The following RAPGEF2 variants were observed in gnomAD, a reference collection of about 807,000 sequenced individuals.
RAPGEF2 encodes the protein PDZ domain containing guanine nucleotide exchange factor (GEF) 1.
A neutral mutation model predicts 186.7 loss-of-function variants in RAPGEF2; 54 were observed. The ratio of observed to expected loss-of-function variants is 0.29; its 90% CI spans 0.23 to 0.36. The LOEUF is 0.36. Ranked by LOEUF, RAPGEF2 falls within the 10% of genes least tolerant of loss-of-function variation. The probability of loss-of-function intolerance (pLI) is 1.00; values close to 1 mark genes in which losing one functional copy is unlikely to be tolerated. For synonymous variants in RAPGEF2, 712 were observed against 705.9 expected, an observed-to-expected ratio of 1.01 and a Z score of -0.14; for missense variants, 1,532 against 2,045.0, an observed-to-expected ratio of 0.75 and a Z score of 4.84.
chr4:159,104,506 GAGAGAGA>G (rs1737582202), intron 1 of RAPGEF2, among the ~76,000 whole-genome samples: 1 of 127,442 alleles, frequency 7.8e-6, no homozygotes, highest in Admixed American at 7.9e-5. Flanking sequence ...GAGAGAGAGA[GAGAGAGA>G]GAGAGAGAGA....
intron 19 of RAPGEF2, among the ~76,000 whole-genome samples, chr4:159,339,728 G>C (rs1767963212): frequency 6.6e-6 from 1 of 152,126 alleles, no homozygotes; most frequent in Non-Finnish European, 1.5e-5. Flanking sequence ...CTTTGTATAT[G>C]TACGTTCACA....
At chr4:159,131,677 G>T (rs1486631102) in intron 1 of RAPGEF2, among the ~76,000 whole-genome samples, 1 of 151,668 alleles carries the variant, frequency 6.6e-6, no homozygotes, top group African/African-American at 2.4e-5. Flanking sequence ...GAGAACTTTG[G>T]GCTTGATTAA....
intron 28 of RAPGEF2, among the ~76,000 whole-genome samples, chr4:159,354,594 A>T (rs1406534950): frequency 6.6e-6 from 1 of 152,206 alleles, no homozygotes; most frequent in East Asian, 1.9e-4. Context: ...TTTAGGAGTC[A>T]GGCGGACTGG....
chr4:159,170,490 A>T (rs1745797019), intron 1 of RAPGEF2, among the ~76,000 whole-genome samples: 2 of 152,216 alleles, frequency 1.3e-5, no homozygotes, highest in African/African-American at 2.4e-5. Context: ...TAGTATTTAC[A>T]TGGCATTAGA....
At chr4:159,252,334 G>C (rs1755555463) in intron 7 of RAPGEF2, among the ~76,000 whole-genome samples, 1 of 152,102 alleles carries the variant, frequency 6.6e-6, no homozygotes, top group Non-Finnish European at 1.5e-5. Context: ...ATAGGCGCCT[G>C]GCCCTGTATT....
intron 4 of RAPGEF2, among the ~76,000 whole-genome samples, chr4:159,215,925 T>C (rs897570758): frequency 6.6e-6 from 1 of 152,116 alleles, no homozygotes; most frequent in Non-Finnish European, 1.5e-5. Context: ...GACTCTAGGG[T>C]CTGAAATACC....
intron 9 of RAPGEF2, among the ~76,000 whole-genome samples, chr4:159,317,119 A>T (rs1190220742): frequency 6.6e-6 from 1 of 152,334 alleles, no homozygotes; most frequent in East Asian, 1.9e-4. Context: ...TGACACAAAC[A>T]TGTATGAGGA....
chr4:159,212,550 G>A (rs1293558310), intron 4 of RAPGEF2, among the ~76,000 whole-genome samples: 1 of 151,600 alleles, frequency 6.6e-6, no homozygotes. Context: ...TCCTTATTCT[G>A]GTTAAAGAAT....
chr4:159,144,512 C>T (rs1355488307), intron 1 of RAPGEF2, among the ~76,000 whole-genome samples: 1 of 152,198 alleles, frequency 6.6e-6, no homozygotes, highest in Non-Finnish European at 1.5e-5. Flanking sequence ...AGCTATGAAG[C>T]TATCCTTCAT....
chr4:159,196,898 G>T (rs1748709078), intron 3 of RAPGEF2, among the ~76,000 whole-genome samples: 1 of 152,204 alleles, frequency 6.6e-6, no homozygotes, highest in South Asian at 2.1e-4. Context: ...ATTCTGATAA[G>T]ATTGCATTTT....
chr4:159,340,911 A>G (rs1230722601), intron 19 of RAPGEF2, among the ~76,000 whole-genome samples: 1 of 152,218 alleles, frequency 6.6e-6, no homozygotes, highest in African/African-American at 2.4e-5. Context: ...ACCGGCATTA[A>G]CTAGTCAACC....
intron 4 of RAPGEF2, among the ~76,000 whole-genome samples, chr4:159,213,436 C>CT (rs1345553670): frequency 3.9e-5 from 6 of 152,186 alleles, no homozygotes; most frequent in Admixed American, 1.3e-4. Flanking sequence ...CAAGCATTCT[C>CT]TTGAAAGTGC....
intron 7 of RAPGEF2, among the ~76,000 whole-genome samples, chr4:159,285,100 A>G (rs28562885): frequency 0.3 from 45,615 of 152,060 alleles, 7,771 homozygotes; most frequent in Non-Finnish European, 0.39. Context: ...TTCCACCTCT[A>G]TTACTTTTTT....
At chr4:159,346,101 G>C (rs905221988) in intron 24 of RAPGEF2, among the ~76,000 whole-genome samples, 3 of 152,156 alleles carry the variant, frequency 2.0e-5, no homozygotes, top group African/African-American at 7.2e-5. Context: ...CCTCTTACTA[G>C]CTGCAGCCTT....
At chr4:159,335,614 G>A (rs929094310) in intron 17 of RAPGEF2, among the ~76,000 whole-genome samples, 1 of 151,998 alleles carries the variant, frequency 6.6e-6, no homozygotes, top group African/African-American at 2.4e-5. Flanking sequence ...TTGGGAGGCC[G>A]AGGCGGTCGG....
chr4:159,293,158 TAATTAA>T (rs1271992185), intron 7 of RAPGEF2, among the ~76,000 whole-genome samples: 2 of 151,028 alleles, frequency 1.3e-5, no homozygotes, highest in African/African-American at 5.0e-5. Context: ...GAAGATGATA[TAATTAA>T]AATTATTCCT....
chr4:159,353,202 A>G lies in RAPGEF2; in HGVS notation c.4092-285A>G, dbSNP rs965784773. ...GTTTCGTATGAGCTGCCTTCCTGAAATAATCAAATTATATTGAGCCACCCT... is the reference window on the plus strand; with the variant it reads ...GTTTCGTATGAGCTGCCTTCCTGAAGTAATCAAATTATATTGAGCCACCCT... On this transcript the variant is annotated intron_variant, in intron 27 of 29. Coordinates refer to ENST00000691494, the MANE Select transcript of RAPGEF2 (RefSeq NM_001394067.2). This position sits in a 1 kb window ranked among gnomAD's most constrained non-coding sequence, Gnocchi z 4.3. 1.3e-5 allele frequency among the ~76,000 whole-genome samples: 2 copies of G among 151,956 alleles called. No individual in the cohort carries two copies. The highest frequency in any genetic ancestry group is 2.4e-5 in the African/African-American group (1 of 41,322).
chr4:159,201,174 G>C (rs1367658102), intron 3 of RAPGEF2, among the ~76,000 whole-genome samples: 1 of 152,108 alleles, frequency 6.6e-6, no homozygotes, highest in Non-Finnish European at 1.5e-5. Context: ...TGAAAACTTT[G>C]TCTATCAGCT....
chr4:159,252,186 T>C (rs1755528835), intron 7 of RAPGEF2, among the ~76,000 whole-genome samples: 1 of 152,172 alleles, frequency 6.6e-6, no homozygotes, highest in South Asian at 2.1e-4. Flanking sequence ...TCAGCCTCTT[T>C]AGTAGCTGAG....
Sources: allele counts gnomAD v4.1 joint callset (sites outside exome capture counted in the v4.1 genomes callset), GRCh38; gene constraint gnomAD v4.1.1; non-coding constraint Gnocchi (gnomAD v3.1); transcripts MANE v1.5; gene names NCBI Gene and HGNC (gene_info 2026-07-23, HGNC 2026-07-21).